RIN2: variants seen among roughly 807,000 people sequenced by gnomAD.
RIN2 encodes Ras and Rab interactor 2.
A neutral mutation model predicts 78.0 loss-of-function variants in RIN2; 36 were observed. That is an observed-to-expected ratio of 0.46 (90% CI 0.35 to 0.61). The LOEUF (loss-of-function observed/expected upper bound fraction) is 0.61, where lower values mean the gene tolerates loss of function less well. Ranked by LOEUF, RIN2 falls within the 20% of genes least tolerant of loss-of-function variation. The probability of loss-of-function intolerance (pLI) is 0.00; values close to 1 mark genes in which losing one functional copy is unlikely to be tolerated. For missense variants in RIN2, 1,087 were observed against 1,159.7 expected, an observed-to-expected ratio of 0.94 and a Z score of 0.91; for synonymous variants, 466 against 466.8, an observed-to-expected ratio of 1.00 and a Z score of 0.02.
intron 12 of RIN2, among the ~76,000 whole-genome samples, chr20:20,000,122 C>A (rs531109954): frequency 1.3e-5 from 2 of 152,108 alleles, no homozygotes; most frequent in Non-Finnish European, 2.9e-5. Context: ...TTGAGCCCAG[C>A]GGTATGAGTC....
At chr20:20,000,123 G>C (rs1192229805) in intron 12 of RIN2, among the ~76,000 whole-genome samples, 1 of 152,106 alleles carries the variant, frequency 6.6e-6, no homozygotes, top group Admixed American at 6.5e-5. Flanking sequence ...TGAGCCCAGC[G>C]GTATGAGTCC....
intron 2 of RIN2, among the ~76,000 whole-genome samples, chr20:19,810,012 G>A (rs539733148): frequency 3.3e-5 from 5 of 152,086 alleles, no homozygotes; most frequent in African/African-American, 1.2e-4. Flanking sequence ...ACAGCAGGCA[G>A]AAGCCGGCTG....
At chr20:19,855,808 G>C (rs1034383681) in intron 2 of RIN2, among the ~76,000 whole-genome samples, 1 of 152,198 alleles carries the variant, frequency 6.6e-6, no homozygotes, top group Non-Finnish European at 1.5e-5. Context: ...AGGCATGGTG[G>C]CTCACGCTTG....
At chr20:19,844,309 T>C (rs1432891381) in intron 2 of RIN2, among the ~76,000 whole-genome samples, 2 of 152,194 alleles carry the variant, frequency 1.3e-5, no homozygotes, top group Non-Finnish European at 2.9e-5. Context: ...AGCTAAAGGC[T>C]CAAAGCCCCT....
chr20:19,933,922 C>T (rs2040531481), intron 3 of RIN2, among the ~76,000 whole-genome samples: 1 of 152,164 alleles, frequency 6.6e-6, no homozygotes, highest in Non-Finnish European at 1.5e-5. Flanking sequence ...GATTCTCCTA[C>T]CTCAGCCTCT....
intron 2 of RIN2, among the ~76,000 whole-genome samples, chr20:19,862,673 G>A (rs1226673137): frequency 2.0e-5 from 3 of 152,118 alleles, no homozygotes; most frequent in Non-Finnish European, 4.4e-5. Context: ...CCATTGCCAC[G>A]GACTGAATAA....
intron 3 of RIN2, among the ~76,000 whole-genome samples, chr20:19,889,996 T>C (rs1483920377): frequency 6.6e-6 from 1 of 152,156 alleles, no homozygotes. Context: ...AGTGAATCAA[T>C]GCTGTCGTCC....
intron 7 of RIN2, among the ~76,000 whole-genome samples, 194 bp from the exon 8 acceptor site, chr20:19,970,644 A>G (rs1600992039): frequency 6.6e-6 from 1 of 152,204 alleles, no homozygotes; most frequent in Non-Finnish European, 1.5e-5. Context: ...GCCTGTCCTG[A>G]GTGTGTGATA....
At chr20:19,787,268 C>G (rs1225475310) in intron 1 of RIN2, among the ~76,000 whole-genome samples, 1 of 151,556 alleles carries the variant, frequency 6.6e-6, no homozygotes, top group Non-Finnish European at 1.5e-5. Flanking sequence ...TAAAAAAATA[C>G]AAAAATTAGC....
chr20:19,782,509 G>A (rs897478087), intron 1 of RIN2, among the ~76,000 whole-genome samples: 1 of 150,874 alleles, frequency 6.6e-6, no homozygotes, highest in East Asian at 2.0e-4. Context: ...AGCTTGCAGT[G>A]AGTTGAGATG....
chr20:19,915,431 A>G (rs1375695769), intron 3 of RIN2, among the ~76,000 whole-genome samples: 1 of 152,192 alleles, frequency 6.6e-6, no homozygotes, highest in Non-Finnish European at 1.5e-5. Flanking sequence ...TCCCAGCCAC[A>G]GAGCTTCCTC....
intron 2 of RIN2, among the ~76,000 whole-genome samples, chr20:19,836,028 G>A (rs572243552): frequency 1.1e-4 from 17 of 152,110 alleles, no homozygotes; most frequent in South Asian, 2.1e-4. Context: ...CTGGTATTCC[G>A]GGCTACCAGA....
intron 1 of RIN2, 24 bp from the exon 2 acceptor site, chr20:19,799,598 G>A (rs1233196664): frequency 6.6e-6 from 1 of 152,156 alleles, no homozygotes; most frequent in African/African-American, 2.4e-5. Context: ...ACAAAACCCT[G>A]AATGGTCAAT....
chr20:19,797,213 G>A (rs574415200), intron 1 of RIN2, among the ~76,000 whole-genome samples: 49 of 152,304 alleles, frequency 3.2e-4, no homozygotes, highest in Non-Finnish European at 4.7e-4. Context: ...TCTGCACACA[G>A]CAAATTAGCT....
intron 3 of RIN2, among the ~76,000 whole-genome samples, chr20:19,930,981 G>T (rs761556152): frequency 6.6e-6 from 1 of 152,102 alleles, no homozygotes. Context: ...AGGCACGGTG[G>T]TGCCTATCTG....
At chr20:19,863,883 C>T (rs1276225392) in intron 2 of RIN2, among the ~76,000 whole-genome samples, 1 of 152,102 alleles carries the variant, frequency 6.6e-6, no homozygotes, top group Non-Finnish European at 1.5e-5. Flanking sequence ...CATCTTCACA[C>T]TGCTCTGGGA....
intron 2 of RIN2, among the ~76,000 whole-genome samples, chr20:19,852,130 G>C (rs550433871): frequency 1.3e-5 from 2 of 152,130 alleles, no homozygotes; most frequent in Admixed American, 1.3e-4. Flanking sequence ...TTATTCTATT[G>C]GGCAATGCAG....
chr20:19,808,334 T>A (rs2035474335), intron 2 of RIN2, among the ~76,000 whole-genome samples: 2 of 151,950 alleles, frequency 1.3e-5, no homozygotes, highest in South Asian at 4.2e-4. Context: ...CCAGTAGGAG[T>A]CAGGGGAAGG....
intron 9 of RIN2, among the ~76,000 whole-genome samples, chr20:19,976,351 T>C (rs1186410149): frequency 6.6e-6 from 1 of 152,168 alleles, no homozygotes; most frequent in African/African-American, 2.4e-5. Flanking sequence ...CTGTTCTCCC[T>C]CAAGGTTACC....
Sources: gnomAD v4.1 joint callset for allele counts (sites outside exome capture counted in the v4.1 genomes callset) on GRCh38, gnomAD v4.1.1 for gene constraint, MANE v1.5 for transcripts, NCBI Gene and HGNC (gene_info 2026-07-23, HGNC 2026-07-21) for gene names.